The following PCDH9 variants were observed in gnomAD, a reference collection of about 807,000 sequenced individuals.
PCDH9 encodes the protein protocadherin-9.
A neutral mutation model predicts 70.6 loss-of-function variants in PCDH9; 24 were observed. That is an observed-to-expected ratio of 0.34 (90% confidence interval 0.25 to 0.48). The LOEUF (loss-of-function observed/expected upper bound fraction) is 0.48, where lower values mean the gene tolerates loss of function less well. PCDH9 is among the 20% of genes least tolerant of loss of function. The pLI, the probability that PCDH9 is intolerant of heterozygous loss-of-function variation, is 0.99. For synonymous variants in PCDH9, 562 were observed against 558.5 expected, an observed-to-expected ratio of 1.01 and a Z score of -0.09; for missense variants, 1,281 against 1,503.6, an observed-to-expected ratio of 0.85 and a Z score of 2.45.
At chr13:67,103,425 T>TATTTGA in intron 2 of PCDH9, among the ~76,000 whole-genome samples, 1 of 152,146 alleles carries the variant, frequency 6.6e-6, no homozygotes. Context: ...TGTTTACACG[T>TATTTGA]AACAATCAGA....
At chr13:67,096,834 T>C (rs1207540275) in intron 2 of PCDH9, among the ~76,000 whole-genome samples, 2 of 152,174 alleles carry the variant, frequency 1.3e-5, no homozygotes, top group African/African-American at 4.8e-5. Flanking sequence ...TCAATTTTCC[T>C]TTAAAATTGC....
chr13:66,925,412 A>G (rs1441511170), intron 2 of PCDH9, among the ~76,000 whole-genome samples: 7 of 151,836 alleles, frequency 4.6e-5, no homozygotes, highest in Non-Finnish European at 1.0e-4. Context: ...AGAATTTTCT[A>G]TGTATTCTGT....
chr13:66,619,525 G>A (rs2077397672), intron 4 of PCDH9, among the ~76,000 whole-genome samples: 1 of 152,050 alleles, frequency 6.6e-6, no homozygotes, highest in African/African-American at 2.4e-5. Context: ...TTGAAACTTT[G>A]CTAAATAATT....
chr13:66,754,281 A>C (rs1253839369), intron 3 of PCDH9, among the ~76,000 whole-genome samples: 1 of 152,128 alleles, frequency 6.6e-6, no homozygotes, highest in Non-Finnish European at 1.5e-5. Context: ...AATGTAGATG[A>C]TGGGTTGATG....
At chr13:66,883,067 G>C (rs1377781685) in intron 3 of PCDH9, among the ~76,000 whole-genome samples, 1 of 151,948 alleles carries the variant, frequency 6.6e-6, no homozygotes, top group East Asian at 1.9e-4. Context: ...AACACATGCT[G>C]CACACATTCA....
At chr13:67,022,572 A>C (rs1157934861) in intron 2 of PCDH9, among the ~76,000 whole-genome samples, 2 of 152,252 alleles carry the variant, frequency 1.3e-5, no homozygotes, top group African/African-American at 4.8e-5. Context: ...ATACTTTCAC[A>C]AGTACCTGTT....
At chr13:66,919,222 T>C (rs1174348395) in intron 2 of PCDH9, among the ~76,000 whole-genome samples, 7 of 151,244 alleles carry the variant, frequency 4.6e-5, no homozygotes, top group African/African-American at 1.5e-4. Context: ...AAGTTACTGC[T>C]TCAGGACTAA....
At chr13:66,810,500 G>A (rs2080485726) in intron 3 of PCDH9, among the ~76,000 whole-genome samples, 1 of 151,760 alleles carries the variant, frequency 6.6e-6, no homozygotes. Context: ...TAATATTCTT[G>A]GGAATATAAT....
rs779741198 is a variant in PCDH9, at chr13:67,226,093, T to C, written c.2348A>G (p.Tyr783Cys). ...AGTCCTGCGGATCAAGTCATAGATA[T>C]AGGAGGCATTTCCAGCAGTGTCGTT... Reference protein sequence around the residue: ...YVNDTAGNASYIYDLIRRTME... With the variant: ...YVNDTAGNASCIYDLIRRTME... The change falls in exon 2 of 5, where the codon TAT becomes TGT. Residue 783 changes from tyrosine to cysteine, a missense_variant. Tyr to Cys is a radical substitution (Grantham distance 194). Transcript: ENST00000377865. This position sits in a 1 kb window ranked among gnomAD's most constrained non-coding sequence, Gnocchi z 5.0. The C allele has an allele frequency of 3.7e-6, 6 of 1,613,910 alleles. No homozygotes were observed. The highest frequency in any genetic ancestry group is 2.5e-6 in the Non-Finnish European group (3 of 1,179,994).
chr13:66,348,357 A>T (rs1956242512), intron 4 of PCDH9, among the ~76,000 whole-genome samples: 1 of 151,332 alleles, frequency 6.6e-6, no homozygotes, highest in Admixed American at 6.6e-5. Context: ...CCCATGTCAT[A>T]AACAAGAAAA....
At chr13:66,647,087 G>A (rs140882709) in intron 3 of PCDH9, among the ~76,000 whole-genome samples, 2 of 152,214 alleles carry the variant, frequency 1.3e-5, no homozygotes, top group East Asian at 3.9e-4. Context: ...GTGCTCTGGA[G>A]TGCTAAATAA....
chr13:67,119,284 A>G (rs1486633355), intron 2 of PCDH9, among the ~76,000 whole-genome samples: 2 of 152,082 alleles, frequency 1.3e-5, no homozygotes, highest in Non-Finnish European at 2.9e-5. Context: ...AATATATGAT[A>G]CATTCCTTTT....
At chr13:66,909,874 C>T (rs1434014936) in intron 2 of PCDH9, among the ~76,000 whole-genome samples, 1 of 152,148 alleles carries the variant, frequency 6.6e-6, no homozygotes, top group East Asian at 1.9e-4. Context: ...CTTCGGGACC[C>T]TGACACATGT....
chr13:66,568,264 G>T (rs1484442592), intron 4 of PCDH9, among the ~76,000 whole-genome samples: 1 of 152,056 alleles, frequency 6.6e-6, no homozygotes, highest in Non-Finnish European at 1.5e-5. Flanking sequence ...GAACTTAATT[G>T]GTTGGCACCT....
intron 2 of PCDH9, among the ~76,000 whole-genome samples, chr13:67,068,470 T>A (rs260139): frequency 0.79 from 119,874 of 151,960 alleles, 47,486 homozygotes; most frequent in East Asian, 0.97. Context: ...TTTAGTCTGT[T>A]TAGAAAATTA....
At chr13:67,089,279 G>A (rs900595136) in intron 2 of PCDH9, among the ~76,000 whole-genome samples, 1 of 151,878 alleles carries the variant, frequency 6.6e-6, no homozygotes, top group Admixed American at 6.6e-5. Flanking sequence ...CCATTTATAT[G>A]GGATTGTATT....
At chr13:66,657,151 A>C (rs2077942337) in intron 3 of PCDH9, among the ~76,000 whole-genome samples, 1 of 152,198 alleles carries the variant, frequency 6.6e-6, no homozygotes, top group South Asian at 2.1e-4. Flanking sequence ...CAGTGGATAT[A>C]AAACATTATA....
At chr13:66,335,681 T>TA (rs1374520943) in intron 4 of PCDH9, among the ~76,000 whole-genome samples, 1 of 152,118 alleles carries the variant, frequency 6.6e-6, no homozygotes, top group Non-Finnish European at 1.5e-5. Context: ...TTTCAAAACT[T>TA]ATAGCCACAG....
intron 3 of PCDH9, among the ~76,000 whole-genome samples, chr13:66,729,271 C>T (rs529509858): frequency 1.3e-5 from 2 of 152,184 alleles, no homozygotes; most frequent in African/African-American, 2.4e-5. Flanking sequence ...ATGTTTAATC[C>T]TCCATTTCTT....
Sources: allele counts gnomAD v4.1 joint callset (sites outside exome capture counted in the v4.1 genomes callset), GRCh38; gene constraint gnomAD v4.1.1; non-coding constraint Gnocchi (gnomAD v3.1); transcripts MANE v1.5; gene names NCBI Gene and HGNC (gene_info 2026-07-23, HGNC 2026-07-21).